Variants in RIMBP2 observed in about 807,000 individuals in gnomAD.
RIMBP2 encodes RIMS binding protein 2.
A neutral mutation model predicts 118.6 loss-of-function variants in RIMBP2; 48 were observed. The observed-to-expected ratio is 0.40, with a 90% CI of 0.32 to 0.51. The LOEUF (loss-of-function observed/expected upper bound fraction) is 0.51. Ranked by LOEUF, RIMBP2 falls within the 20% of genes least tolerant of loss-of-function variation. The pLI is 0.41. For synonymous variants in RIMBP2, 762 were observed against 742.9 expected (o/e 1.03, Z -0.42); for missense variants, 1,551 against 1,768.3 (o/e 0.88, Z 2.20).
At chr12:130,568,777 A>C (rs1379539645) in intron 2 of RIMBP2, among the ~76,000 whole-genome samples, 1 of 152,134 alleles carries the variant, frequency 6.6e-6, no homozygotes, top group Non-Finnish European at 1.5e-5. Flanking sequence ...CTATTTCACA[A>C]ACTCTTTTTT....
chr12:130,446,018 CT>C lies in RIMBP2; in HGVS notation c.582-750del, dbSNP rs555201668. Among the ~76,000 whole-genome samples the C allele has an allele frequency of 0.11, 1,429 of 12,620 alleles. 14 individuals are homozygous for C. The highest frequency in any genetic ancestry group is 0.27 in the Non-Finnish European group (1,093 of 4,084). The allele number at this position is 12,620 out of a possible 152,430, so 8.3% of individuals were successfully genotyped here. A position where few individuals can be genotyped will look rare whatever the true frequency, so the allele number is the denominator to read the frequency against. On this transcript the variant is annotated intron_variant, in intron 9 of 22. Transcript: ENST00000690449. This position sits in a 1 kb window ranked among gnomAD's most constrained non-coding sequence, Gnocchi z 4.1. ...AGAAAAACAGACGCATGATTTTATG[CT>C]CCCCCCCCCCACACCCCCAGGAATA...
intron 2 of RIMBP2, among the ~76,000 whole-genome samples, chr12:130,611,471 C>T (rs1031666769): frequency 6.6e-6 from 1 of 152,206 alleles, no homozygotes; most frequent in Non-Finnish European, 1.5e-5. Context: ...CGCATCTCTG[C>T]CCCCGATCCT....
intron 2 of RIMBP2, among the ~76,000 whole-genome samples, chr12:130,529,400 G>A (rs1593665024): frequency 6.6e-6 from 1 of 152,140 alleles, no homozygotes; most frequent in Non-Finnish European, 1.5e-5. Context: ...ACATACATGA[G>A]ATATTCAAGA....
rs1453319011 is a variant in RIMBP2 at position 130,615,117 on chromosome 12, A to G, written c.-217+13205T>C. 1.2e-4 allele frequency among the ~76,000 whole-genome samples: 17 copies of G among 147,428 alleles called. No homozygotes were observed. The Admixed American group carries it at 1.2e-3, about 10-fold the overall frequency. ...ATATATGTGTATTATGTATATATACATATGTGTATTATGTATACATTATGT... is the reference window on the plus strand; with the variant it reads ...ATATATGTGTATTATGTATATATACGTATGTGTATTATGTATACATTATGT... On this transcript the variant is annotated intron_variant, in intron 2 of 22. Transcript: ENST00000690449.
intron 14 of RIMBP2, chr12:130,428,863 C>T (rs558605962): frequency 1.3e-3 from 202 of 152,572 alleles, no homozygotes; most frequent in African/African-American, 4.5e-3. Context: ...TTTGGGAGGC[C>T]GAGGTGGGCA....
rs1323390841 is a variant in RIMBP2 at position 130,595,657 on chromosome 12, C to G, written c.-217+32665G>C. On this transcript the variant is annotated intron_variant, in intron 2 of 22. Transcript: ENST00000690449. ...TTAACAGCTGTCATTGCTTCTGCAG[C>G]GGCAAAGAGCCTGTGTGAGAACAAT... 3.4e-5 allele frequency among the ~76,000 whole-genome samples: 4 copies of G among 116,716 alleles called. No homozygotes were observed. The East Asian group carries it at 1.0e-3, about 30-fold the overall frequency. 76.6% of individuals were successfully genotyped at this position (116,716 alleles called of 152,430 possible). A position where few individuals can be genotyped will look rare whatever the true frequency, so the allele number is the denominator to read the frequency against.
chr12:130,533,272 G>A (rs1441434216), intron 2 of RIMBP2, among the ~76,000 whole-genome samples: 1 of 152,162 alleles, frequency 6.6e-6, no homozygotes, highest in Non-Finnish European at 1.5e-5. Flanking sequence ...AGTGTCAAAA[G>A]AAGACATACA....
At chr12:130,591,955 C>A (rs1355715575) in intron 2 of RIMBP2, among the ~76,000 whole-genome samples, 2 of 152,202 alleles carry the variant, frequency 1.3e-5, no homozygotes, top group African/African-American at 4.8e-5. Flanking sequence ...ACTGCCCCAG[C>A]CGAGCCACGT....
chr12:130,533,092 C>CGTCT (rs2053649046), intron 2 of RIMBP2, among the ~76,000 whole-genome samples: 1 of 148,334 alleles, frequency 6.7e-6, no homozygotes, highest in Non-Finnish European at 1.5e-5. Context: ...CTAGGAGGGA[C>CGTCT]ATCTAATGAG....
intron 1 of RIMBP2, among the ~76,000 whole-genome samples, chr12:130,655,888 G>A (rs949696350): frequency 2.6e-5 from 4 of 152,240 alleles, no homozygotes; most frequent in Non-Finnish European, 4.4e-5. Context: ...GAGGCACCAC[G>A]CAGCCCATGG....
chr12:130,493,126 A>T (rs542571624), intron 4 of RIMBP2, among the ~76,000 whole-genome samples: 1 of 151,988 alleles, frequency 6.6e-6, no homozygotes, highest in Non-Finnish European at 1.5e-5. Context: ...AGAGAGTGAG[A>T]TCGTAGCTCA....
At chr12:130,533,424 T>C (rs1212731032) in intron 2 of RIMBP2, among the ~76,000 whole-genome samples, 1 of 152,202 alleles carries the variant, frequency 6.6e-6, no homozygotes, top group African/African-American at 2.4e-5. Flanking sequence ...GGCAAGGATA[T>C]GGACAAAAGG....
intron 1 of RIMBP2, chr12:130,668,353 A>G (rs994120328): frequency 2.0e-5 from 3 of 152,264 alleles, no homozygotes; most frequent in Non-Finnish European, 4.4e-5. Flanking sequence ...TTTTACAGAT[A>G]CAGGGCCTGT....
rs1468828897 is a variant in RIMBP2 at position 130,424,039 on chromosome 12, G to C, written c.3129+103C>G. On this transcript the variant is annotated intron_variant, in intron 16 of 22. Transcript: ENST00000690449. The surrounding 1 kb of genome is among the most constrained non-coding windows in gnomAD (Gnocchi z 9.8). ...AGGGAAAACGAAAGACAGCCAGCAA[G>C]AGAGTCCCCAGGGATGGACACCAGA... 4 of 571,526 alleles carry C rather than the reference G, an allele frequency of 7.0e-6. No homozygotes were observed. Among genetic ancestry groups the C allele is most frequent in the Non-Finnish European group, 1.0e-5 (4 of 384,760 alleles). The allele number at this position is 571,526 out of a possible 1,614,324, so 35.4% of individuals were successfully genotyped here. A position where few individuals can be genotyped will look rare whatever the true frequency, so the allele number is the denominator to read the frequency against.
At chr12:130,455,400 CCTGT>C (rs1348042651) in intron 7 of RIMBP2, among the ~76,000 whole-genome samples, 6 of 152,242 alleles carry the variant, frequency 3.9e-5, no homozygotes, top group Non-Finnish European at 8.8e-5. Flanking sequence ...CGCACGGTGC[CCTGT>C]CTGTCTCTCA....
intron 2 of RIMBP2, among the ~76,000 whole-genome samples, chr12:130,612,094 G>T (rs551871763): frequency 6.6e-6 from 1 of 152,210 alleles, no homozygotes; most frequent in Non-Finnish European, 1.5e-5. Context: ...GCCAGGGCAG[G>T]TGCTCAGACA....
At position 130,409,332 on chromosome 12, in the gene RIMBP2, C is replaced by CTTTTTT. The variant is rs35015661; in HGVS notation, c.3590-1509_3590-1504dup. 4.3e-4 allele frequency among the ~76,000 whole-genome samples: 28 copies of CTTTTTT among 65,404 alleles called. 3 individuals are homozygous for CTTTTTT. The highest frequency in any genetic ancestry group is 3.1e-3 in the East Asian group (6 of 1,944). 42.9% of individuals were successfully genotyped at this position (65,404 alleles called of 152,430 possible). A position where few individuals can be genotyped will look rare whatever the true frequency, so the allele number is the denominator to read the frequency against. ...TAAAAGGGACTCATACAAAATGTAG[C>CTTTTTT]TTTTTTTTTTTTTTTTTTTTTTTTT... On this transcript the variant is annotated intron_variant, in intron 19 of 22. Transcript: ENST00000690449.
rs1052035161 is a variant in RIMBP2 at position 130,622,283 on chromosome 12, C to T, written c.-217+6039G>A. Among the ~76,000 whole-genome samples the T allele has an allele frequency of 3.3e-5, 5 of 152,110 alleles. No individual in the cohort carries two copies. Among genetic ancestry groups the T allele is most frequent in the East Asian group, 1.9e-4 (1 of 5,174 alleles). On this transcript the variant is annotated intron_variant, in intron 2 of 22. Coordinates refer to ENST00000690449, the MANE Select transcript of RIMBP2 (RefSeq NM_001393629.1). The surrounding 1 kb of genome is among the most constrained non-coding windows in gnomAD (Gnocchi z 8.5). ...TAGGAGGTTCCGGGGAACAGAGTCC[C>T]CAAACATCACAAGTTTTGCCATCTC... is the stretch of plus-strand genomic sequence containing the variant.
chr12:130,424,972 G>T lies in RIMBP2; in HGVS notation c.2413-114C>A, dbSNP rs869173. ...AGAATTAGTCCTGGAGGCACCGAGG[G>T]GGGGGAAGCATGCGTCTACTCAGGC... On this transcript the variant is annotated intron_variant, in intron 15 of 22. Coordinates refer to ENST00000690449, the MANE Select transcript of RIMBP2 (RefSeq NM_001393629.1). This position sits in a 1 kb window ranked among gnomAD's most constrained non-coding sequence, Gnocchi z 9.8. 3.5e-4 allele frequency: 192 copies of T among 550,098 alleles called. 1 individual carries two copies. The highest frequency in any genetic ancestry group is 9.5e-4 in the African/African-American group (49 of 51,456). The allele number at this position is 550,098 out of a possible 1,614,324, so 34.1% of individuals were successfully genotyped here.
Sources: allele counts gnomAD v4.1 joint callset (sites outside exome capture counted in the v4.1 genomes callset), GRCh38; gene constraint gnomAD v4.1.1; non-coding constraint Gnocchi (gnomAD v3.1); transcripts MANE v1.5; gene names NCBI Gene and HGNC (gene_info 2026-07-23, HGNC 2026-07-21).